Variants in C9orf85 observed in about 807,000 individuals in gnomAD.
The protein encoded by C9orf85 is chromosome 9 open reading frame 85, also known as uncharacterized protein C9orf85.
A neutral mutation model predicts 14.9 loss-of-function variants in C9orf85; 16 were observed. That is an observed-to-expected ratio of 1.08 (90% CI 0.73 to 1.63). The LOEUF (loss-of-function observed/expected upper bound fraction) is 1.63. Among genes scored for constraint, C9orf85 ranks in the 40% most tolerant of loss-of-function variants. The pLI is 0.00. For synonymous variants in C9orf85, 45 were observed against 56.8 expected, an observed-to-expected ratio of 0.79 and a Z score of 0.93; for missense variants, 172 against 186.1, an observed-to-expected ratio of 0.92 and a Z score of 0.44.
intron 1 of C9orf85, among the ~76,000 whole-genome samples, chr9:71,937,762 T>C (rs1429534001): frequency 6.6e-6 from 1 of 152,176 alleles, no homozygotes; most frequent in Non-Finnish European, 1.5e-5. Flanking sequence ...TAGATATCTT[T>C]TAATTAAATT....
chr9:71,930,901 C>T lies in C9orf85; in HGVS notation c.103-16105C>T, dbSNP rs1414134751. 2.0e-5 allele frequency among the ~76,000 whole-genome samples: 3 copies of T among 150,814 alleles called. No homozygotes were observed. The East Asian group carries it at 5.9e-4, about 29-fold the overall frequency. ...CTTAGCATGTTCCTAATTTTAGATTCACTAGCACATTTGGTCTGACCTTTG... is the reference window on the plus strand; with the variant it reads ...CTTAGCATGTTCCTAATTTTAGATTTACTAGCACATTTGGTCTGACCTTTG... On this transcript the variant is annotated intron_variant, in intron 1 of 3. Transcript: ENST00000334731.
chr9:71,934,871 G>GA (rs1352410707), intron 1 of C9orf85, among the ~76,000 whole-genome samples: 1 of 151,898 alleles, frequency 6.6e-6, no homozygotes, highest in African/African-American at 2.4e-5. Flanking sequence ...CCCTGTCTCA[G>GA]AAAAAAATAT....
chr9:71,943,614 C>G (rs1822002045), intron 1 of C9orf85, among the ~76,000 whole-genome samples: 1 of 151,872 alleles, frequency 6.6e-6, no homozygotes, highest in Non-Finnish European at 1.5e-5. Flanking sequence ...ACGATCTCAG[C>G]TCACTGCAAC....
chr9:71,980,622 T>G (rs139481004), intron 3 of C9orf85, among the ~76,000 whole-genome samples: 2 of 152,278 alleles, frequency 1.3e-5, no homozygotes, highest in East Asian at 3.9e-4. Flanking sequence ...TACTCTAAAT[T>G]TAAAGCAATA....
intron 2 of C9orf85, among the ~76,000 whole-genome samples, chr9:71,959,480 A>G (rs1822460716): frequency 3.3e-5 from 5 of 152,234 alleles, no homozygotes; most frequent in Admixed American, 2.6e-4. Context: ...TTGGATTCTA[A>G]TAACAACCCT....
intron 2 of C9orf85, among the ~76,000 whole-genome samples, chr9:71,949,223 T>C (rs1449555718): frequency 2.0e-5 from 3 of 152,246 alleles, no homozygotes; most frequent in African/African-American, 4.8e-5. Flanking sequence ...ATTTATGTAG[T>C]CACAGCATTT....
chr9:71,963,169 T>C (rs1482134598), intron 2 of C9orf85, among the ~76,000 whole-genome samples: 1 of 152,222 alleles, frequency 6.6e-6, no homozygotes, highest in African/African-American at 2.4e-5. Flanking sequence ...ACTAGTATAA[T>C]TTGATGCTAC....
In C9orf85 at chr9:71,926,008, C is replaced by T. The variant is rs1827922981; in HGVS notation, c.102+14172C>T. Among the ~76,000 whole-genome samples, 3 of 152,308 alleles carry T rather than the reference C, an allele frequency of 2.0e-5. No individual in the cohort carries two copies. In the South Asian group the frequency reaches 6.2e-4, roughly 32 times the overall value. On this transcript the variant is annotated intron_variant, in intron 1 of 3. Coordinates refer to ENST00000334731, the MANE Select transcript of C9orf85 (RefSeq NM_182505.5). Reference sequence around the variant, plus strand: ...AAAGGCAGAGCAGTATACCTGATCCCTGTTGGTCTTAGAGCTTAACAAAGA... The same window carrying T: ...AAAGGCAGAGCAGTATACCTGATCCTTGTTGGTCTTAGAGCTTAACAAAGA...
intron 2 of C9orf85, among the ~76,000 whole-genome samples, chr9:71,963,411 C>T (rs1025562867): frequency 5.3e-5 from 8 of 152,138 alleles, no homozygotes; most frequent in Admixed American, 3.9e-4. Flanking sequence ...CTCTCGGTGC[C>T]TCCTCTGCCT....
At chr9:71,934,248 G>A (rs1379957258) in intron 1 of C9orf85, among the ~76,000 whole-genome samples, 3 of 152,122 alleles carry the variant, frequency 2.0e-5, no homozygotes, top group Non-Finnish European at 4.4e-5. Context: ...GGAGGCTGAG[G>A]CATGAGAATC....
At chr9:71,919,014 G>A (rs927551476) in intron 1 of C9orf85, among the ~76,000 whole-genome samples, 2 of 147,200 alleles carry the variant, frequency 1.4e-5, no homozygotes, top group South Asian at 4.3e-4. Flanking sequence ...GTTGAGTAAA[G>A]ATGATCATTA....
chr9:71,920,235 T>G (rs1447856008), intron 1 of C9orf85, among the ~76,000 whole-genome samples: 1 of 152,230 alleles, frequency 6.6e-6, no homozygotes, highest in Non-Finnish European at 1.5e-5. Flanking sequence ...TCATTTTATG[T>G]CTAATACATG....
At chr9:71,974,030 G>A (rs1822957386), downstream of C9orf85, among the ~76,000 whole-genome samples, 1 of 151,542 alleles carries the variant, frequency 6.6e-6, no homozygotes, top group African/African-American at 2.4e-5. Context: ...GGGTTCAAGC[G>A]ATTCTCCTGC....
intron 2 of C9orf85, among the ~76,000 whole-genome samples, chr9:71,949,971 T>G (rs1822203907): frequency 6.6e-6 from 1 of 152,116 alleles, no homozygotes; most frequent in South Asian, 2.1e-4. Context: ...TTTCTTCAGC[T>G]CAAAATACTC....
At position 71,972,863 on chromosome 9, in the gene C9orf85, G is replaced by C; in HGVS notation, c.*21G>C. The C allele has an allele frequency of 6.3e-7, 1 of 1,585,842 alleles. No individual in the cohort carries two copies. On this transcript the variant is annotated 3_prime_UTR_variant, in exon 4 of 4. Transcript: ENST00000334731. ...ATTAATATCACTGTATTAAAAGTCT[G>C]CCGGGCACAGTGGCTCACGCCTGTA... is the stretch of plus-strand genomic sequence containing the variant.
chr9:71,936,796 G>GTTTT, intron 1 of C9orf85, among the ~76,000 whole-genome samples: 1 of 146,492 alleles, frequency 6.8e-6, no homozygotes. Flanking sequence ...TTTTGAGACA[G>GTTTT]GGTCTCACTC....
chr9:71,934,439 T>C (rs1828141462), intron 1 of C9orf85, among the ~76,000 whole-genome samples: 1 of 152,242 alleles, frequency 6.6e-6, no homozygotes, highest in South Asian at 2.1e-4. Flanking sequence ...ACTTTCTCTT[T>C]CTGCTATCAG....
downstream of C9orf85, among the ~76,000 whole-genome samples, chr9:71,973,612 A>G (rs993302077): frequency 1.2e-4 from 19 of 152,312 alleles, no homozygotes; most frequent in African/African-American, 4.3e-4. Context: ...AAAAGTGCAT[A>G]TAATTTATAC....
intron 2 of C9orf85, among the ~76,000 whole-genome samples, chr9:71,959,362 C>G (rs1822456512): frequency 6.6e-6 from 1 of 152,130 alleles, no homozygotes; most frequent in Non-Finnish European, 1.5e-5. Flanking sequence ...GTCTCAAACT[C>G]CCGACCTCAG....
Sources: allele counts gnomAD v4.1 joint callset (sites outside exome capture counted in the v4.1 genomes callset), GRCh38; gene constraint gnomAD v4.1.1; transcripts MANE v1.5; gene names NCBI Gene and HGNC (gene_info 2026-07-23, HGNC 2026-07-21).